The following CCSER2 variants were observed in gnomAD, a reference collection of about 807,000 sequenced individuals.
CCSER2 encodes serine-rich coiled-coil domain-containing protein 2.
CCSER2 carries 46 observed loss-of-function variants against 92.3 expected under a neutral mutation model. The observed-to-expected ratio is 0.50, with a 90% CI of 0.39 to 0.64. The LOEUF is 0.64. CCSER2 is among the 30% of genes least tolerant of loss of function. CCSER2 has a pLI of 0.00. For missense variants in CCSER2, 1,244 were observed against 1,238.9 expected (o/e 1.00, Z -0.06); for synonymous variants, 433 against 431.4 (o/e 1.00, Z -0.04).
intron 1 of CCSER2, among the ~76,000 whole-genome samples, chr10:84,330,826 T>C (rs1843526434): frequency 6.6e-6 from 1 of 152,162 alleles, no homozygotes. Context: ...AAAAAATCCA[T>C]TTTATGATAC....
At chr10:84,420,949 AG>A (rs950701789) in intron 4 of CCSER2, among the ~76,000 whole-genome samples, 3 of 150,596 alleles carry the variant, frequency 2.0e-5, no homozygotes, top group Non-Finnish European at 4.4e-5. Context: ...AAAAAAAAAA[AG>A]GTTTAGATTG....
intron 9 of CCSER2, among the ~76,000 whole-genome samples, chr10:84,503,826 C>T (rs1403413990): frequency 1.3e-5 from 2 of 152,088 alleles, no homozygotes; most frequent in African/African-American, 2.4e-5. Flanking sequence ...CTATATTTGT[C>T]GTAATAGCCT....
intron 9 of CCSER2, among the ~76,000 whole-genome samples, chr10:84,501,435 C>T (rs1848714001): frequency 6.6e-6 from 1 of 152,126 alleles, no homozygotes; most frequent in South Asian, 2.1e-4. Context: ...CCCCCTTTCT[C>T]CTTCTCCTCA....
chr10:84,493,113 T>G (rs1159720768), intron 9 of CCSER2, among the ~76,000 whole-genome samples: 3 of 152,208 alleles, frequency 2.0e-5, no homozygotes, highest in Non-Finnish European at 4.4e-5. Context: ...TTTGGGAGTT[T>G]TAAAGTTATA....
chr10:84,451,313 G>C (rs746925020), intron 6 of CCSER2, among the ~76,000 whole-genome samples: 1 of 141,398 alleles, frequency 7.1e-6, no homozygotes, highest in Non-Finnish European at 1.5e-5. Flanking sequence ...TGTGTTGCCT[G>C]TGCTGGAGTG....
chr10:84,447,851 C>G (rs1845022176), intron 6 of CCSER2, among the ~76,000 whole-genome samples: 1 of 151,962 alleles, frequency 6.6e-6, no homozygotes, highest in African/African-American at 2.4e-5. Flanking sequence ...GCTGTGTCAC[C>G]CAGGCTGGGC....
intron 3 of CCSER2, among the ~76,000 whole-genome samples, chr10:84,417,020 G>A (rs1387767269): frequency 6.6e-6 from 1 of 152,222 alleles, no homozygotes; most frequent in Non-Finnish European, 1.5e-5. Flanking sequence ...ACTAAGGAAA[G>A]GTCTTATGAT....
intron 5 of CCSER2, among the ~76,000 whole-genome samples, chr10:84,427,813 T>G (rs765553942): frequency 7.2e-5 from 11 of 152,172 alleles, no homozygotes; most frequent in Non-Finnish European, 1.6e-4. Flanking sequence ...TAATCATAAC[T>G]GAAACCTAGC....
intron 9 of CCSER2, among the ~76,000 whole-genome samples, chr10:84,500,558 T>C (rs1848669874): frequency 6.6e-6 from 1 of 152,258 alleles, no homozygotes; most frequent in Non-Finnish European, 1.5e-5. Context: ...CATGGTTTAC[T>C]AACATTTCTA....
intron 5 of CCSER2, among the ~76,000 whole-genome samples, chr10:84,427,080 T>C (rs1843475258): frequency 6.6e-6 from 1 of 152,220 alleles, no homozygotes. Flanking sequence ...CCAAAACATA[T>C]GATCACAAAT....
intron 3 of CCSER2, among the ~76,000 whole-genome samples, chr10:84,406,651 A>G (rs574785833): frequency 1.3e-5 from 2 of 152,290 alleles, no homozygotes; most frequent in Admixed American, 1.3e-4. Context: ...TTTCATTGTC[A>G]TACTCCCAAG....
intron 1 of CCSER2, among the ~76,000 whole-genome samples, chr10:84,361,115 C>T (rs947566440): frequency 1.2e-4 from 19 of 152,336 alleles, no homozygotes; most frequent in Non-Finnish European, 1.0e-4. Context: ...TCCTGCATGC[C>T]TGTGCCGTTA....
chr10:84,468,045 G>T (rs971057285), intron 7 of CCSER2, among the ~76,000 whole-genome samples: 3 of 152,194 alleles, frequency 2.0e-5, no homozygotes, highest in Non-Finnish European at 4.4e-5. Context: ...ATGCGTGATA[G>T]TCATGGCTCT....
chr10:84,459,877 C>T (rs1248758861), intron 6 of CCSER2, among the ~76,000 whole-genome samples: 1 of 151,786 alleles, frequency 6.6e-6, no homozygotes, highest in Non-Finnish European at 1.5e-5. Flanking sequence ...TCCTAGCTTT[C>T]TGAGTTTTTT....
chr10:84,342,769 T>C (rs1844267449), intron 1 of CCSER2, among the ~76,000 whole-genome samples: 1 of 152,344 alleles, frequency 6.6e-6, no homozygotes, highest in African/African-American at 2.4e-5. Context: ...AAACTGTATC[T>C]ATCTGTTGAC....
chr10:84,402,738 A>G (rs556708930), intron 3 of CCSER2, among the ~76,000 whole-genome samples: 1 of 152,306 alleles, frequency 6.6e-6, no homozygotes, highest in African/African-American at 2.4e-5. Flanking sequence ...AACAAGACAA[A>G]TATGTCCATT....
chr10:84,463,929 ACAG>A lies in CCSER2; in HGVS notation c.2065-1_2066del. On this transcript the variant is annotated splice_acceptor_variant and splice_polypyrimidine_tract_variant and intron_variant, in intron 6 of 9. Coordinates refer to ENST00000372088, the MANE Select transcript of CCSER2 (RefSeq NM_001284240.2). LOFTEE classifies it high-confidence loss of function. ...TAGTGTTTTTCTTCCCTTCTTTCTG[ACAG>A]CATGATGGAAGTGGTTCATTGCATG... The A allele has an allele frequency of 1.9e-6, 3 of 1,596,324 alleles. No individual in the cohort carries two copies. Among genetic ancestry groups the A allele is most frequent in the Non-Finnish European group, 2.6e-6 (3 of 1,164,914 alleles).
intron 1 of CCSER2, among the ~76,000 whole-genome samples, chr10:84,331,568 A>T (rs1211293633): frequency 6.6e-6 from 1 of 152,196 alleles, no homozygotes; most frequent in African/African-American, 2.4e-5. Flanking sequence ...AGCATGGCTA[A>T]AATTACTTGT....
At chr10:84,400,430 C>T (rs559318531) in intron 3 of CCSER2, among the ~76,000 whole-genome samples, 15 of 152,104 alleles carry the variant, frequency 9.9e-5, no homozygotes, top group South Asian at 4.1e-4. Context: ...CTTGGCCTCC[C>T]GAAGTGCTAG....
Sources: allele counts gnomAD v4.1 joint callset (sites outside exome capture counted in the v4.1 genomes callset), GRCh38; gene constraint gnomAD v4.1.1; transcripts MANE v1.5; gene names NCBI Gene and HGNC (gene_info 2026-07-23, HGNC 2026-07-21).